Variants in CD72 observed in about 807,000 individuals in gnomAD.
CD72 encodes CD72 molecule.
CD72 carries 28 observed loss-of-function variants against 50.7 expected under a neutral mutation model. That is an observed-to-expected ratio of 0.55 (90% CI 0.41 to 0.76). The LOEUF is 0.76. Among genes scored for constraint, CD72 ranks in the 30% least tolerant of loss-of-function variants. CD72 has a pLI of 0.00. For synonymous variants in CD72, 176 were observed against 171.2 expected, an observed-to-expected ratio of 1.03 and a Z score of -0.22; for missense variants, 403 against 420.6, an observed-to-expected ratio of 0.96 and a Z score of 0.37.
chr9:35,632,376 T>C (rs1823253531), intron 1 of CD72, among the ~76,000 whole-genome samples: 1 of 152,106 alleles, frequency 6.6e-6, no homozygotes, highest in East Asian at 1.9e-4. Context: ...TTCACCGTGT[T>C]AGCCAGGATG....
upstream of CD72, among the ~76,000 whole-genome samples, chr9:35,620,997 C>G (rs1448737525): frequency 6.6e-6 from 1 of 152,166 alleles, no homozygotes; most frequent in African/African-American, 2.4e-5. Flanking sequence ...TGTAGCCTTC[C>G]TTTGTGAACA....
Position 35,610,738 on chromosome 9 carries a change from G to A in CD72, c.966C>T (p.Ser322=). ...TTTTATGTACCTTGTTACATTTTGA[G>A]CTTTGAGCATAAGTCCTAAAAAGTA... ...DTQRTRTYAQ[S]SKCNKVHKTW... The change falls in exon 8 of 9, where the codon AGC becomes AGT. Residue 322 remains serine, a synonymous_variant. Transcript: ENST00000259633. The A allele has an allele frequency of 1.2e-6, 2 of 1,612,510 alleles. No individual in the cohort carries two copies. The highest frequency in any genetic ancestry group is 1.7e-6 in the Non-Finnish European group (2 of 1,179,074).
chr9:35,618,345 C>T lies in CD72; in HGVS notation c.-42G>A. 1 of 1,613,318 alleles carries T rather than the reference C, an allele frequency of 6.2e-7. No individual in the cohort carries two copies. Among genetic ancestry groups the T allele is most frequent in the Non-Finnish European group, 8.5e-7 (1 of 1,179,614 alleles). Reference sequence around the variant, plus strand: ...GCCCCCACTCGTCTTCCCTGTCATCCACTGTCCTCCCTTGCCCCTCTCGTC... The same window carrying T: ...GCCCCCACTCGTCTTCCCTGTCATCTACTGTCCTCCCTTGCCCCTCTCGTC... On this transcript the variant is annotated 5_prime_UTR_variant, in exon 1 of 9. Transcript: ENST00000259633.
chr9:35,611,384 AC>A (rs1822982074), intron 7 of CD72, among the ~76,000 whole-genome samples: 1 of 152,056 alleles, frequency 6.6e-6, no homozygotes, highest in African/African-American at 2.4e-5. Context: ...CTTCGATGGT[AC>A]CCCCGCTGCT....
chr9:35,644,334 G>T (rs1001708873), intron 1 of CD72, among the ~76,000 whole-genome samples: 1 of 108,818 alleles, frequency 9.2e-6, no homozygotes, highest in Non-Finnish European at 1.7e-5. Context: ...TGGGCAACAA[G>T]AGTGAAACTC....
intron 1 of CD72, among the ~76,000 whole-genome samples, chr9:35,626,795 A>G (rs997504696): frequency 1.3e-5 from 2 of 152,122 alleles, no homozygotes; most frequent in Admixed American, 6.5e-5. Flanking sequence ...AAGGTATTAC[A>G]TTGTTTTTTA....
At chr9:35,612,491 G>A (rs3793533) in intron 6 of CD72, among the ~76,000 whole-genome samples, 6,870 of 152,094 alleles carry the variant, frequency 0.045, 398 homozygotes, top group East Asian at 0.32. Context: ...AGGCTGAGAC[G>A]GGAGAATTGC....
chr9:35,618,170 G>A (rs762852919), intron 1 of CD72, 49 bp from the exon 2 acceptor site: 1 of 1,606,482 alleles, frequency 6.2e-7, no homozygotes, highest in South Asian at 1.1e-5. Flanking sequence ...AATGGGATCT[G>A]TGGGGCGGGA....
chr9:35,639,198 TC>T (rs761612239), intron 1 of CD72, among the ~76,000 whole-genome samples: 11 of 152,094 alleles, frequency 7.2e-5, no homozygotes, highest in Non-Finnish European at 1.3e-4. Context: ...AAATTTTTTT[TC>T]CCTTGGGTAA....
At chr9:35,618,682 CCCT>C, upstream of CD72, 1 of 902,078 alleles carries the variant, frequency 1.1e-6, no homozygotes, top group Non-Finnish European at 1.5e-6. Context: ...ATCTGCCCCA[CCCT>C]CCTCCTGGCT....
At chr9:35,622,791 A>AT (rs1563897506), upstream of CD72, among the ~76,000 whole-genome samples, 11 of 151,160 alleles carry the variant, frequency 7.3e-5, no homozygotes, top group East Asian at 2.0e-4. Flanking sequence ...TGTCTCAAAA[A>AT]AAATAATAAT....
Position 35,612,867 on chromosome 9 carries a change from C to G in CD72, c.815G>C (p.Ser272Thr). The G allele has an allele frequency of 1.2e-6, 2 of 1,614,202 alleles. No individual in the cohort carries two copies. Among genetic ancestry groups the G allele is most frequent in the Non-Finnish European group, 1.7e-6 (2 of 1,180,008 alleles). The part of the protein sequence containing the change: ...ETLSSKLATF[S>T]EIYPQSHSYY... ...GCTTACTGATTGTGGATAAATTTCA[C>G]TGAATGTGGCCAGCTTGGAAGACAG... The change falls in exon 6 of 9, where the codon AGT becomes ACT. Residue 272 changes from serine to threonine, a missense_variant. Transcript: ENST00000259633.
At chr9:35,637,675 C>T (rs375896347) in intron 1 of CD72, among the ~76,000 whole-genome samples, 5 of 152,204 alleles carry the variant, frequency 3.3e-5, no homozygotes, top group Non-Finnish European at 7.3e-5. Flanking sequence ...GACAGCCTTC[C>T]CTTGGTGTCT....
intron 3 of CD72, 101 bp downstream of exon 3, chr9:35,617,075 T>G (rs1823076119): frequency 6.6e-7 from 1 of 1,509,258 alleles, no homozygotes; most frequent in Non-Finnish European, 8.8e-7. Context: ...GCGCCCGGGT[T>G]TATCCCGGAA....
intron 1 of CD72, among the ~76,000 whole-genome samples, chr9:35,640,083 A>C (rs1823325150): frequency 6.6e-6 from 1 of 152,250 alleles, no homozygotes; most frequent in Non-Finnish European, 1.5e-5. Context: ...TATTTACTAA[A>C]ATGGTTTTCA....
intron 1 of CD72, chr9:35,642,986 G>A (rs1823352910): frequency 6.6e-6 from 1 of 152,210 alleles, no homozygotes; most frequent in African/African-American, 2.4e-5. Flanking sequence ...CAAGTGACAA[G>A]GCATCTCTGA....
intron 1 of CD72, among the ~76,000 whole-genome samples, chr9:35,644,978 G>C (rs1045150163): frequency 4.0e-5 from 6 of 150,964 alleles, no homozygotes; most frequent in Non-Finnish European, 8.8e-5. Flanking sequence ...AAGGTGGACA[G>C]ATCACCTGAG....
chr9:35,619,373 C>T (rs1823120953), upstream of CD72: 2 of 152,214 alleles, frequency 1.3e-5, no homozygotes, highest in Admixed American at 6.5e-5. Flanking sequence ...AAATGGCCTA[C>T]ATCCGGGATA....
intron 1 of CD72, among the ~76,000 whole-genome samples, chr9:35,628,132 GCTT>G (rs1320347395): frequency 1.3e-5 from 2 of 152,040 alleles, no homozygotes; most frequent in Admixed American, 6.6e-5. Context: ...ACTCTGCCTG[GCTT>G]CTTCTTTTTA....
Sources: gnomAD v4.1 joint callset for allele counts (sites outside exome capture counted in the v4.1 genomes callset) on GRCh38, gnomAD v4.1.1 for gene constraint, MANE v1.5 for transcripts, NCBI Gene and HGNC (gene_info 2026-07-23, HGNC 2026-07-21) for gene names.